Variants in MAML3 observed in about 807,000 individuals in gnomAD.
The protein encoded by MAML3 is mastermind like transcriptional coactivator 3.
A neutral mutation model predicts 101.9 loss-of-function variants in MAML3; 27 were observed. The observed-to-expected ratio is 0.27, with a 90% CI of 0.20 to 0.37. MAML3 has a LOEUF of 0.37. Ranked by LOEUF, MAML3 falls within the 10% of genes least tolerant of loss-of-function variation. MAML3 has a pLI of 1.00. For synonymous variants in MAML3, 501 were observed against 555.9 expected (o/e 0.90, Z 1.39); for missense variants, 1,316 against 1,444.9 (o/e 0.91, Z 1.45).
chr4:140,062,492 G>A (rs1381007642), intron 1 of MAML3, among the ~76,000 whole-genome samples: 8 of 152,192 alleles, frequency 5.3e-5, no homozygotes, highest in Admixed American at 2.0e-4. Context: ...AAGGTTTAAC[G>A]ACCAGTGTCA....
intron 1 of MAML3, 100 bp downstream of exon 1, chr4:140,152,760 A>G (rs1413861191): frequency 1.3e-6 from 2 of 1,516,446 alleles, no homozygotes; most frequent in Admixed American, 4.2e-5. Flanking sequence ...CCACCGTGCA[A>G]ATCAGACCCT....
At chr4:139,886,072 C>T (rs1363915254) in intron 2 of MAML3, among the ~76,000 whole-genome samples, 1 of 150,930 alleles carries the variant, frequency 6.6e-6, no homozygotes, top group Non-Finnish European at 1.5e-5. Flanking sequence ...GTTATTGCTA[C>T]TTTCACTGTC....
rs530726440 is a variant in MAML3, at chr4:140,009,932, G to A, written c.469-118965C>T. ...TAGGACTGGGCTTACCACTGGTTTA[G>A]CAAATGGCTGGATGGTATAGAAAAT... is the stretch of plus-strand genomic sequence containing the variant. On this transcript the variant is annotated intron_variant, in intron 1 of 4. Transcript: ENST00000509479. Among the ~76,000 whole-genome samples, 5 of 152,298 alleles carry A rather than the reference G, an allele frequency of 3.3e-5. 1 individual carries two copies. The South Asian group carries it at 1.0e-3, about 32-fold the overall frequency.
At chr4:139,720,512 G>T (rs770798744) in intron 4 of MAML3, among the ~76,000 whole-genome samples, 189 bp from the exon 5 acceptor site, 6 of 152,140 alleles carry the variant, frequency 3.9e-5, no homozygotes, top group Admixed American at 3.3e-4. Context: ...AATTTTGAAA[G>T]TGTTAAAAAA....
At chr4:139,799,190 T>A (rs1435272644) in intron 2 of MAML3, among the ~76,000 whole-genome samples, 1 of 152,214 alleles carries the variant, frequency 6.6e-6, no homozygotes, top group Non-Finnish European at 1.5e-5. Context: ...CTTTTATTGA[T>A]GTAGGTGAGT....
chr4:139,829,109 GGAA>G, intron 2 of MAML3, among the ~76,000 whole-genome samples: 1 of 147,748 alleles, frequency 6.8e-6, no homozygotes, highest in East Asian at 2.0e-4. Context: ...AGGAAAGAAA[GGAA>G]GAAAGAGAAA....
chr4:139,919,082 T>C (rs1228791539), intron 1 of MAML3, among the ~76,000 whole-genome samples: 1 of 152,220 alleles, frequency 6.6e-6, no homozygotes, highest in Non-Finnish European at 1.5e-5. Flanking sequence ...TAGGATAGTG[T>C]GTCTTTTTTC....
rs769929686 is a variant in MAML3, at chr4:139,934,441, CAT to C, written c.469-43476_469-43475del. ...CTTCTCAACTGGAAATACAGATTAACATGTGCAAAAAACAACCCTGACCCGAG... is the reference window on the plus strand; with the variant it reads ...CTTCTCAACTGGAAATACAGATTAACGTGCAAAAAACAACCCTGACCCGAG... On this transcript the variant is annotated intron_variant, in intron 1 of 4. Transcript: ENST00000509479. Among the ~76,000 whole-genome samples, 7 of 152,060 alleles carry C rather than the reference CAT, an allele frequency of 4.6e-5. No homozygotes were observed. The East Asian group carries it at 7.7e-4, about 17-fold the overall frequency.
At chr4:139,720,344 C>T in intron 4 of MAML3, 21 bp from the exon 5 acceptor site, 2 of 1,512,256 alleles carry the variant, frequency 1.3e-6, no homozygotes, top group South Asian at 1.3e-5. Flanking sequence ...AAAGAGGACA[C>T]ATACCACTCA....
intron 1 of MAML3, among the ~76,000 whole-genome samples, chr4:139,956,892 A>T (rs1156332506): frequency 2.6e-5 from 4 of 152,232 alleles, no homozygotes; most frequent in African/African-American, 9.6e-5. Context: ...CTTAGAACAG[A>T]TGACACCAAT....
chr4:140,065,120 C>T (rs1406411982), intron 1 of MAML3, among the ~76,000 whole-genome samples: 1 of 152,146 alleles, frequency 6.6e-6, no homozygotes. Context: ...ATGAAGTTGT[C>T]TCTACCATTA....
chr4:139,735,336 T>C lies in MAML3; in HGVS notation c.2080-4669A>G, dbSNP rs935105046. 1.3e-5 allele frequency among the ~76,000 whole-genome samples: 2 copies of C among 152,170 alleles called. No individual in the cohort carries two copies. Among genetic ancestry groups the C allele is most frequent in the South Asian group, 2.1e-4 (1 of 4,826 alleles). ...TCTGCCCCCCTCCTCCGACTGACAC[T>C]GAACTGGTTTCTCATTACCGACTTT... is the stretch of plus-strand genomic sequence containing the variant. On this transcript the variant is annotated intron_variant, in intron 2 of 4. Transcript: ENST00000509479. This position sits in a 1 kb window ranked among gnomAD's most constrained non-coding sequence, Gnocchi z 5.8.
At chr4:139,967,027 T>C (rs1227357716) in intron 1 of MAML3, among the ~76,000 whole-genome samples, 1 of 152,244 alleles carries the variant, frequency 6.6e-6, no homozygotes, top group Admixed American at 6.5e-5. Context: ...AGAATATTCA[T>C]GCCATTTTTA....
chr4:140,134,458 G>A (rs962958189), intron 1 of MAML3: 1 of 449,168 alleles, frequency 2.2e-6, no homozygotes, highest in Admixed American at 2.4e-5. Flanking sequence ...ACTTACAGCA[G>A]ATTTGTAAAC....
rs5862443 is a variant in MAML3, at chr4:139,879,525, GAA to G, written c.2079+9830_2079+9831del. On this transcript the variant is annotated intron_variant, in intron 2 of 4. Coordinates refer to ENST00000509479, the MANE Select transcript of MAML3 (RefSeq NM_018717.5). ...TGGGTGACAAAGTGAGGCTCTGACT[GAA>G]AAAAAAAAAAAAAGAAAAGAAAAGA... Among the ~76,000 whole-genome samples the G allele has an allele frequency of 2.1e-3, 241 of 115,642 alleles. 3 individuals carry two copies. The East Asian group carries it at 0.036, about 17-fold the overall frequency. The allele number at this position is 115,642 out of a possible 152,430, so 75.9% of individuals were successfully genotyped here. A position where few individuals can be genotyped will look rare whatever the true frequency, so the allele number is the denominator to read the frequency against.
chr4:140,042,370 C>T (rs1369982467), intron 1 of MAML3, among the ~76,000 whole-genome samples: 1 of 152,196 alleles, frequency 6.6e-6, no homozygotes, highest in Non-Finnish European at 1.5e-5. Flanking sequence ...GGGAGAGCCT[C>T]ACGCCTGTAA....
At chr4:139,731,406 T>C (rs964718243) in intron 2 of MAML3, 2 of 125,714 alleles carry the variant, frequency 1.6e-5, no homozygotes, top group African/African-American at 6.3e-5. Context: ...GAGACCAGCT[T>C]GGCCAAGATG....
intron 2 of MAML3, among the ~76,000 whole-genome samples, chr4:139,845,534 T>G (rs902926607): frequency 4.6e-5 from 7 of 152,246 alleles, no homozygotes; most frequent in African/African-American, 1.7e-4. Context: ...ATTCTTTTCA[T>G]GATTGTACTA....
At chr4:139,964,332 AC>A (rs1324889730) in intron 1 of MAML3, among the ~76,000 whole-genome samples, 5 of 152,148 alleles carry the variant, frequency 3.3e-5, no homozygotes, top group African/African-American at 1.2e-4. Flanking sequence ...GCAAACCAAC[AC>A]AGGAACAAAA....
Sources: allele counts gnomAD v4.1 joint callset (sites outside exome capture counted in the v4.1 genomes callset), GRCh38; gene constraint gnomAD v4.1.1; non-coding constraint Gnocchi (gnomAD v3.1); transcripts MANE v1.5; gene names NCBI Gene and HGNC (gene_info 2026-07-23, HGNC 2026-07-21).